The following RHAG variants were observed in gnomAD, a reference collection of about 807,000 sequenced individuals.
The protein encoded by RHAG is Rh associated glycoprotein.
Under a neutral mutation model 42.4 loss-of-function variants are expected in RHAG, and 25 were observed. That is an observed-to-expected ratio of 0.59 (90% confidence interval 0.43 to 0.82). The LOEUF (loss-of-function observed/expected upper bound fraction) is 0.82, where lower values mean the gene tolerates loss of function less well. Among genes scored for constraint, RHAG ranks in the 40% least tolerant of loss-of-function variants. The pLI is 0.00. For synonymous variants in RHAG, 182 were observed against 177.7 expected, an observed-to-expected ratio of 1.02 and a Z score of -0.19; for missense variants, 483 against 504.6, an observed-to-expected ratio of 0.96 and a Z score of 0.41.
At chr6:49,606,742 C>T in intron 9 of RHAG, 106 bp downstream of exon 9, 1 of 830,626 alleles carries the variant, frequency 1.2e-6, no homozygotes, top group Admixed American at 1.9e-5. Context: ...GCCAGGCTAA[C>T]TCAATTTCAT....
rs1762559973 is a variant in RHAG at position 49,610,883 on chromosome 6, C to T, written c.1067+141G>A. The T allele has an allele frequency of 3.3e-6, 3 of 911,678 alleles. No homozygotes were observed. In the South Asian group the frequency reaches 4.2e-5, roughly 13 times the overall value. The allele number at this position is 911,678 out of a possible 1,614,324, so 56.5% of individuals were successfully genotyped here. On this transcript the variant is annotated intron_variant, in intron 7 of 9. Transcript: ENST00000371175. ...AATATAATTTTATTCTAATGATCTT[C>T]TCTCAGGCGCGTCTCTTTGGCTCCA...
At position 49,616,652 on chromosome 6, in the gene RHAG, C is replaced by T. The variant is rs116581679; in HGVS notation, c.493-881G>A. Among the ~76,000 whole-genome samples, 847 of 152,224 alleles carry T rather than the reference C, an allele frequency of 5.6e-3. 8 individuals are homozygous for T. Among genetic ancestry groups the T allele is most frequent in the African/African-American group, 0.019 (806 of 41,544 alleles). ...CAAAGGGTCAAATTGTACTTATAGA[C>T]AGTAAGATGACACACATCTATTTAT... On this transcript the variant is annotated intron_variant, in intron 3 of 9. Coordinates refer to ENST00000371175, the MANE Select transcript of RHAG (RefSeq NM_000324.3).
intron 1 of RHAG, 96 bp from the exon 2 acceptor site, chr6:49,619,458 G>T: frequency 9.1e-7 from 1 of 1,102,794 alleles, no homozygotes; most frequent in Non-Finnish European, 1.3e-6. Flanking sequence ...TACCACCTTT[G>T]TATAACACAC....
Position 49,633,292 on chromosome 6 carries a change from G to A in RHAG, c.157+3364C>T, listed in dbSNP as rs975232877. Reference sequence around the variant, plus strand: ...TTTTCTTTGCTTGAATCCCTGCACTGGCACTGGGCATGGAACTAGGTAGGC... The same window carrying A: ...TTTTCTTTGCTTGAATCCCTGCACTAGCACTGGGCATGGAACTAGGTAGGC... On this transcript the variant is annotated intron_variant, in intron 1 of 9. Transcript: ENST00000371175. 3.3e-5 allele frequency among the ~76,000 whole-genome samples: 5 copies of A among 152,118 alleles called. No individual in the cohort carries two copies. In the East Asian group the frequency reaches 9.7e-4, roughly 30 times the overall value.
rs747862195 is a variant in RHAG at position 49,611,053 on chromosome 6, A to C, written c.1038T>G (p.Ile346Met). Residue 346 changes from isoleucine to methionine, a missense_variant, in exon 7 of 10, where the codon ATT becomes ATG. Transcript: ENST00000371175. ...LPGVVGGLAGIVAVAMGASNT... is the reference protein window; with the variant it reads ...LPGVVGGLAGMVAVAMGASNT... ...TGGAGGCGCCCATTGCTACTGCCAC[A>C]ATGCCTGCAAGGCCTCCCACTACAC... 1 of 1,613,868 alleles carries C rather than the reference A, an allele frequency of 6.2e-7. No homozygotes were observed. Among genetic ancestry groups the C allele is most frequent in the South Asian group, 1.1e-5 (1 of 91,074 alleles).
intron 1 of RHAG, among the ~76,000 whole-genome samples, chr6:49,626,031 A>G (rs760814012): frequency 5.4e-4 from 82 of 152,130 alleles, no homozygotes; most frequent in Non-Finnish European, 4.9e-4. Flanking sequence ...GTTCCCTCCC[A>G]CAACACATGG....
chr6:49,636,617 A>G (rs1763013160), intron 1 of RHAG, 39 bp downstream of exon 1: 1 of 1,608,276 alleles, frequency 6.2e-7, no homozygotes, highest in South Asian at 1.1e-5. Flanking sequence ...AAACCGAAGA[A>G]CCGAAAAATG....
intron 1 of RHAG, among the ~76,000 whole-genome samples, chr6:49,623,859 A>C (rs1195538694): frequency 6.6e-6 from 1 of 152,222 alleles, no homozygotes; most frequent in Non-Finnish European, 1.5e-5. Context: ...TTTAGACCAA[A>C]ACAGAAAATG....
chr6:49,627,688 A>G (rs538039997), intron 1 of RHAG, among the ~76,000 whole-genome samples: 2 of 152,328 alleles, frequency 1.3e-5, no homozygotes, highest in East Asian at 3.9e-4. Context: ...ACAGTTCCAC[A>G]TGGCTGGGGA....
chr6:49,628,355 T>G (rs115957419), intron 1 of RHAG, among the ~76,000 whole-genome samples: 154 of 152,286 alleles, frequency 1.0e-3, no homozygotes, highest in African/African-American at 3.6e-3. Flanking sequence ...ATGTTTTCCA[T>G]GCTGATCTCA....
chr6:49,620,114 A>G (rs924451553), intron 1 of RHAG, among the ~76,000 whole-genome samples: 2 of 152,186 alleles, frequency 1.3e-5, no homozygotes, highest in African/African-American at 4.8e-5. Context: ...TTGAGTAACA[A>G]ATATTCAACT....
intron 3 of RHAG, among the ~76,000 whole-genome samples, chr6:49,616,536 C>G (rs16879523): frequency 0.05 from 7,535 of 151,998 alleles, 268 homozygotes; most frequent in South Asian, 0.11. Flanking sequence ...GCTGAGGTCC[C>G]AGATTCACTT....
chr6:49,608,025 AAGT>A (rs1418955832), intron 7 of RHAG, among the ~76,000 whole-genome samples: 30 of 152,326 alleles, frequency 2.0e-4, no homozygotes, highest in Admixed American at 1.2e-3. Flanking sequence ...AAAACTGCAC[AAGT>A]AACATATCAT....
chr6:49,610,915 A>T lies in RHAG; in HGVS notation c.1067+109T>A, dbSNP rs950873033. The T allele has an allele frequency of 5.9e-6, 8 of 1,366,512 alleles. No homozygotes were observed. In the African/African-American group the frequency reaches 1.0e-4, roughly 17 times the overall value. The allele number at this position is 1,366,512 out of a possible 1,614,324, so 84.6% of individuals were successfully genotyped here. A position where few individuals can be genotyped will look rare whatever the true frequency, so the allele number is the denominator to read the frequency against. On this transcript the variant is annotated intron_variant, in intron 7 of 9. Coordinates refer to ENST00000371175, the MANE Select transcript of RHAG (RefSeq NM_000324.3). ...GCGCGTCTCTTTGGCTCCAGTAAAG[A>T]CAATACAAACCATGGCCAGAACAGC...
At position 49,611,138 on chromosome 6, in the gene RHAG, A is replaced by T; in HGVS notation, c.953T>A (p.Phe318Tyr). Reference protein sequence around the residue: ...VLGYKFLTPLFTTKLRIHDTC... With the variant: ...VLGYKFLTPLYTTKLRIHDTC... ...ATCATGGATCCTCAGTTTAGTAGTA[A>T]AAAGTGGCTAAAATTATAAAAGGAA... The change falls in exon 7 of 10, where the codon TTT becomes TAT. Residue 318 changes from phenylalanine to tyrosine, a missense_variant. Physicochemically the swap from Phe to Tyr is conservative, Grantham distance 22 (BLOSUM62 3). Transcript: ENST00000371175. 1 of 1,612,864 alleles carries T rather than the reference A, an allele frequency of 6.2e-7. No homozygotes were observed. Among genetic ancestry groups the T allele is most frequent in the Non-Finnish European group, 8.5e-7 (1 of 1,179,202 alleles).
chr6:49,615,534 C>G (rs1762639347), intron 4 of RHAG, 90 bp downstream of exon 4: 2 of 1,447,942 alleles, frequency 1.4e-6, no homozygotes. Flanking sequence ...CTTGGATGTT[C>G]TTTTTGAGCA....
At chr6:49,610,352 G>T (rs777284608) in intron 7 of RHAG, among the ~76,000 whole-genome samples, 3 of 152,074 alleles carry the variant, frequency 2.0e-5, no homozygotes, top group Non-Finnish European at 4.4e-5. Flanking sequence ...TTCCAATATT[G>T]TGGCATCCCT....
chr6:49,619,124 G>A, intron 2 of RHAG, 55 bp downstream of exon 2: 3 of 1,579,662 alleles, frequency 1.9e-6, no homozygotes, highest in Non-Finnish European at 2.6e-6. Context: ...GGTTAAGAGT[G>A]TAATATATGA....
intron 1 of RHAG, among the ~76,000 whole-genome samples, chr6:49,621,381 G>A (rs928029464): frequency 3.9e-5 from 6 of 152,098 alleles, no homozygotes; most frequent in South Asian, 4.1e-4. Context: ...ATGAGCAACC[G>A]CTTGTCTCAG....
Sources: gnomAD v4.1 joint callset for allele counts (sites outside exome capture counted in the v4.1 genomes callset) on GRCh38, gnomAD v4.1.1 for gene constraint, MANE v1.5 for transcripts, NCBI Gene and HGNC (gene_info 2026-07-23, HGNC 2026-07-21) for gene names.